HEPH: variants seen among roughly 807,000 people sequenced by gnomAD.
The protein encoded by HEPH is hephaestin.
Under a neutral mutation model 80.8 loss-of-function variants are expected in HEPH, and 69 were observed. The ratio of observed to expected loss-of-function variants is 0.85; its 90% CI spans 0.70 to 1.04. The LOEUF (loss-of-function observed/expected upper bound fraction) is 1.04, where lower values mean the gene tolerates loss of function less well. Among genes scored for constraint, HEPH ranks in the 50% least tolerant of loss-of-function variants. The pLI is 0.00. For missense variants in HEPH, 1,115 were observed against 891.3 expected, an observed-to-expected ratio of 1.25 and a Z score of -3.20; for synonymous variants, 431 against 322.8, an observed-to-expected ratio of 1.34 and a Z score of -3.60.
intron 15 of HEPH, among the ~76,000 whole-genome samples, chrX:66,251,210 G>A (rs1438230218): frequency 2.7e-5 from 3 of 111,939 alleles, no homozygotes; most frequent in Non-Finnish European, 5.6e-5. Context: ...TCTCTTTGGT[G>A]GATACCTAGA....
intron 15 of HEPH, among the ~76,000 whole-genome samples, chrX:66,233,952 G>C (rs1264393973): frequency 1.8e-5 from 2 of 110,042 alleles, no homozygotes; most frequent in Non-Finnish European, 3.8e-5. Context: ...GTTCAAGTTT[G>C]TTATATAGGT....
chrX:66,250,550 A>G (rs931259488), intron 15 of HEPH, among the ~76,000 whole-genome samples: 4 of 111,351 alleles, frequency 3.6e-5, no homozygotes, highest in Admixed American at 1.9e-4. Flanking sequence ...CTCAATTCCT[A>G]TTGTTACATC....
intron 15 of HEPH, among the ~76,000 whole-genome samples, chrX:66,218,042 A>AG (rs1197403062): frequency 9.0e-6 from 1 of 111,654 alleles, no homozygotes; most frequent in Non-Finnish European, 1.9e-5. Flanking sequence ...AATTTATAAA[A>AG]CAAGACCTAA....
chrX:66,248,741 T>C (rs1424829762), intron 15 of HEPH, among the ~76,000 whole-genome samples: 3 of 111,941 alleles, frequency 2.7e-5, no homozygotes, highest in African/African-American at 9.7e-5. Context: ...TTAGTTAAGA[T>C]GAAAAAGGCA....
At chrX:66,234,929 G>A (rs192668858) in intron 15 of HEPH, among the ~76,000 whole-genome samples, 3 of 110,065 alleles carry the variant, frequency 2.7e-5, no homozygotes, top group African/African-American at 6.6e-5. Context: ...GATTACAGGC[G>A]TGAACCACCA....
chrX:66,229,483 C>T (rs187980378), intron 15 of HEPH, among the ~76,000 whole-genome samples: 3 of 111,534 alleles, frequency 2.7e-5, no homozygotes, highest in African/African-American at 9.8e-5. Flanking sequence ...GGATAAAAGA[C>T]TACACATTGA....
At chrX:66,214,527 G>T (rs1000637032) in intron 15 of HEPH, among the ~76,000 whole-genome samples, 4 of 110,996 alleles carry the variant, frequency 3.6e-5, no homozygotes, top group Non-Finnish European at 7.6e-5. Context: ...TGGAATTTTG[G>T]CCTCATAGTT....
chrX:66,261,927 A>G (rs989745019), intron 19 of HEPH, among the ~76,000 whole-genome samples: 2 of 112,383 alleles, frequency 1.8e-5, no homozygotes, highest in African/African-American at 6.5e-5. Context: ...TCAGGTTGAT[A>G]TAGATCCAAG....
chrX:66,255,001 C>T (rs780087482), intron 15 of HEPH, 34 bp from the exon 16 acceptor site: 60 of 1,033,694 alleles, frequency 5.8e-5, no homozygotes, highest in African/African-American at 9.4e-5. Flanking sequence ...ATTTCTGACC[C>T]GGTGCAACTG....
chrX:66,252,778 T>A (rs1387545780), intron 15 of HEPH, among the ~76,000 whole-genome samples: 3 of 112,164 alleles, frequency 2.7e-5, no homozygotes. Context: ...TAGAATAGAA[T>A]TGAAGATCCA....
At chrX:66,186,389 G>C (rs2087438104) in intron 4 of HEPH, among the ~76,000 whole-genome samples, 1 of 111,232 alleles carries the variant, frequency 9.0e-6, no homozygotes, top group African/African-American at 3.3e-5. Flanking sequence ...AGCCAGTTGT[G>C]GGATATAGTC....
intron 20 of HEPH, among the ~76,000 whole-genome samples, chrX:66,264,399 C>T (rs1226012034): frequency 9.2e-6 from 1 of 109,110 alleles, no homozygotes; most frequent in Non-Finnish European, 1.9e-5. Flanking sequence ...ATATGTTCTT[C>T]AACAGCTATT....
intron 17 of HEPH, 48 bp from the exon 18 acceptor site, chrX:66,258,792 T>C (rs770457850): frequency 3.9e-5 from 41 of 1,049,783 alleles, no homozygotes; most frequent in Non-Finnish European, 4.8e-5. Flanking sequence ...AGGAGAGATG[T>C]AAGAAGCTTT....
At chrX:66,206,127 CTA>C (rs1392235795) in intron 13 of HEPH, among the ~76,000 whole-genome samples, 4 of 110,365 alleles carry the variant, frequency 3.6e-5, no homozygotes, top group Admixed American at 1.9e-4. Context: ...CATTCCCTCC[CTA>C]TGTCTCACCA....
chrX:66,232,325 A>G (rs181528680), intron 15 of HEPH, among the ~76,000 whole-genome samples: 29 of 111,133 alleles, frequency 2.6e-4, no homozygotes, highest in South Asian at 7.6e-4. Flanking sequence ...CTCTTTTTCT[A>G]TTGATTGGAA....
At chrX:66,183,432 G>T (rs2087251688) in intron 4 of HEPH, among the ~76,000 whole-genome samples, 1 of 29,949 alleles carries the variant, frequency 3.3e-5, no homozygotes, top group Non-Finnish European at 4.6e-5. Context: ...AGTCTTGGGA[G>T]AGTGTATGTG....
chrX:66,207,290 T>C lies in HEPH; in HGVS notation c.2387T>C (p.Ile796Thr). ...FREYTDGTFRIPRPRTGPEEH... is the reference protein window; with the variant it reads ...FREYTDGTFRTPRPRTGPEEH... ...GAATACACTGATGGTACATTCAGGA[T>C]CCCTCGGCCAAGGACTGGACCAGAA... Residue 796 changes from isoleucine (I) to threonine (T), a missense_variant, in exon 14 of 21, where the codon ATC becomes ACC. Physicochemically the swap from Ile to Thr is moderately conservative, Grantham distance 89. Coordinates refer to ENST00000343002, the MANE Select transcript of HEPH (RefSeq NM_001367233.3). 8.3e-7 allele frequency: 1 copy of C among 1,202,546 alleles called. No individual in the cohort carries two copies. Among genetic ancestry groups the C allele is most frequent in the South Asian group, 1.8e-5 (1 of 55,208 alleles).
intron 15 of HEPH, among the ~76,000 whole-genome samples, chrX:66,221,077 C>T (rs1180750943): frequency 9.0e-6 from 1 of 111,557 alleles, no homozygotes; most frequent in East Asian, 2.8e-4. Flanking sequence ...GAAAATGAGT[C>T]CCCGCAATGA....
rs1294571094 is a variant in HEPH, at chrX:66,188,485, A to G, written c.752A>G (p.Asp251Gly). The G allele has an allele frequency of 8.3e-7, 1 of 1,210,720 alleles. No homozygotes were observed. The highest frequency in any genetic ancestry group is 1.1e-6 in the Non-Finnish European group (1 of 895,003). Residue 251 changes from aspartate (D) to glycine (G), a missense_variant, in exon 5 of 21, where the codon GAT (aspartate) becomes GGT (glycine). This residue lies in a region of HEPH where 391 missense variants were observed against 343.6 expected (regional missense o/e 1.14). Coordinates refer to ENST00000343002, the MANE Select transcript of HEPH (RefSeq NM_001367233.3). ...GAGAACATTGCCACTTACTGCTCAG[A>G]TCCTGCTTCAGTGGACAAAGAAGAT... ...LNENIATYCS[D>G]PASVDKEDET...
Sources: allele counts gnomAD v4.1 joint callset (sites outside exome capture counted in the v4.1 genomes callset), GRCh38; gene constraint gnomAD v4.1.1; regional missense constraint gnomAD v4.1.1; transcripts MANE v1.5; gene names NCBI Gene and HGNC (gene_info 2026-07-23, HGNC 2026-07-21).